Variants in NIBAN1 observed in about 807,000 individuals in gnomAD.
The protein encoded by NIBAN1 is protein Niban 1.
A neutral mutation model predicts 75.1 loss-of-function variants in NIBAN1; 81 were observed. That is an observed-to-expected ratio of 1.08 (90% CI 0.90 to 1.30). NIBAN1 has a LOEUF of 1.30. Ranked by LOEUF, NIBAN1 falls within the 50% of genes most tolerant of loss-of-function variation. The pLI is 0.00. For synonymous variants in NIBAN1, 436 were observed against 424.8 expected (o/e 1.03, Z -0.32); for missense variants, 1,133 against 1,128.1 (o/e 1.00, Z -0.06).
rs1659024709 is a variant in NIBAN1, at chr1:184,974,469, T to TCGAGAGGCGAGAGACAGGAGG, written c.-134_-114dup. On this transcript the variant is annotated 5_prime_UTR_variant, in exon 1 of 14. Coordinates refer to ENST00000367511, the MANE Select transcript of NIBAN1 (RefSeq NM_052966.4). The stretch of plus-strand genomic sequence containing the variant: ...CTCTGAAATTAAGAGCAAACTTCCT[T>TCGAGAGGCGAGAGACAGGAGG]CGAGAGGCGAGAGACAGGAGGCAAG... 1 of 1,378,678 alleles carries TCGAGAGGCGAGAGACAGGAGG rather than the reference T, an allele frequency of 7.3e-7. No homozygotes were observed. Among genetic ancestry groups the TCGAGAGGCGAGAGACAGGAGG allele is most frequent in the African/African-American group, 1.5e-5 (1 of 66,862 alleles). The allele number at this position is 1,378,678 out of a possible 1,614,324, so 85.4% of individuals were successfully genotyped here.
intron 1 of NIBAN1, among the ~76,000 whole-genome samples, chr1:184,899,883 C>T (rs1656903518): frequency 7.2e-6 from 1 of 139,636 alleles, no homozygotes; most frequent in Non-Finnish European, 1.5e-5. Flanking sequence ...ATGGCACAAT[C>T]TTGGCTCACC....
Position 184,791,077 on chromosome 1 carries a change from A to G in NIBAN1, c.*3900T>C, listed in dbSNP as rs1462738649. 1 of 471,154 alleles carries G rather than the reference A, an allele frequency of 2.1e-6. No homozygotes were observed. The allele number at this position is 471,154 out of a possible 1,614,324, so 29.2% of individuals were successfully genotyped here. On this transcript the variant is annotated 3_prime_UTR_variant, in exon 14 of 14. Coordinates refer to ENST00000367511, the MANE Select transcript of NIBAN1 (RefSeq NM_052966.4). ...TGGAATATAGGCACCTGGCAGAGTA[A>G]ATACATGGTTACAAAGTGTTTTAAG... is the stretch of plus-strand genomic sequence containing the variant.
rs114523683 is a variant in NIBAN1 at position 184,898,304 on chromosome 1, C to T, written c.186+875G>A. ...AATGTTATCTCCACAGAGGGCTTCCCTAACCATCTTCTCTAAAATAAGGCT... is the reference window on the plus strand; with the variant it reads ...AATGTTATCTCCACAGAGGGCTTCCTTAACCATCTTCTCTAAAATAAGGCT... On this transcript the variant is annotated intron_variant, in intron 2 of 13. Transcript: ENST00000367511. 3.8e-3 allele frequency among the ~76,000 whole-genome samples: 582 copies of T among 152,270 alleles called. 3 individuals carry two copies. Among genetic ancestry groups the T allele is most frequent in the African/African-American group, 0.013 (549 of 41,556 alleles).
rs56272970 is a variant in NIBAN1 at position 184,797,137 on chromosome 1, CTTTT to C, written c.1666+938_1666+941del. Among the ~76,000 whole-genome samples the C allele has an allele frequency of 7.1e-3, 931 of 130,512 alleles. 14 individuals are homozygous for C. The highest frequency in any genetic ancestry group is 0.021 in the African/African-American group (744 of 35,412). The allele number at this position is 130,512 out of a possible 152,430, so 85.6% of individuals were successfully genotyped here. A position where few individuals can be genotyped will look rare whatever the true frequency, so the allele number is the denominator to read the frequency against. On this transcript the variant is annotated intron_variant, in intron 13 of 13. Transcript: ENST00000367511. ...ACAGTTTGATGGTGGCCTTCTCCAGCTTTTTTTTTTTTTTTTTTTTGAGACCGAG... is the reference window on the plus strand; with the variant it reads ...ACAGTTTGATGGTGGCCTTCTCCAGCTTTTTTTTTTTTTTTTGAGACCGAG...
chr1:184,953,425 A>G (rs1463305710), intron 1 of NIBAN1, among the ~76,000 whole-genome samples: 1 of 152,224 alleles, frequency 6.6e-6, no homozygotes, highest in African/African-American at 2.4e-5. Flanking sequence ...TAAAAATGAG[A>G]CATATTATAA....
intron 1 of NIBAN1, among the ~76,000 whole-genome samples, chr1:184,955,296 C>CTT (rs1235492792): frequency 5.1e-4 from 75 of 148,236 alleles, no homozygotes; most frequent in Non-Finnish European, 7.7e-4. Context: ...AGGCTTCAAT[C>CTT]TTTTCTTTTC....
At chr1:184,880,534 G>C (rs963252297) in intron 5 of NIBAN1, among the ~76,000 whole-genome samples, 1 of 152,100 alleles carries the variant, frequency 6.6e-6, no homozygotes, top group Non-Finnish European at 1.5e-5. Context: ...AATTCTTCCT[G>C]TTCCTTTAAT....
At chr1:184,855,347 A>C (rs1211648590) in intron 5 of NIBAN1, among the ~76,000 whole-genome samples, 1 of 152,240 alleles carries the variant, frequency 6.6e-6, no homozygotes, top group African/African-American at 2.4e-5. Context: ...ATTGAATAAA[A>C]TAACATTGAA....
chr1:184,925,174 CT>C, intron 1 of NIBAN1, among the ~76,000 whole-genome samples: 1 of 152,044 alleles, frequency 6.6e-6, no homozygotes, highest in Admixed American at 6.5e-5. Flanking sequence ...CCTTTTGTCT[CT>C]TTTTATAGTT....
chr1:184,928,110 C>T (rs1416805837), intron 1 of NIBAN1, among the ~76,000 whole-genome samples: 1 of 152,136 alleles, frequency 6.6e-6, no homozygotes, highest in African/African-American at 2.4e-5. Context: ...GTAGCAAGTT[C>T]CCTTCTGGCA....
intron 1 of NIBAN1, 92 bp from the exon 2 acceptor site, chr1:184,899,401 T>C: frequency 1.5e-6 from 2 of 1,325,318 alleles, no homozygotes; most frequent in Non-Finnish European, 2.1e-6. Flanking sequence ...AGTCTCTCTG[T>C]TTCTATCCCT....
chr1:184,795,272 T>C lies in NIBAN1; in HGVS notation c.2492A>G (p.Lys831Arg). The change falls in exon 14 of 14, where the codon AAG becomes AGG. Residue 831 changes from lysine to arginine, a missense_variant. By Grantham distance (26) the Lys-to-Arg change is conservative. Transcript: ENST00000367511. The part of the protein sequence containing the change: ...TLTAHEGRGG[K>R]CTEEGDASQQ... Reference sequence around the variant, plus strand: ...TGAGGCATCCCCTTCCTCGGTACACTTGCCCCCTCTTCCTTCATGGGCAGT... The same window carrying C: ...TGAGGCATCCCCTTCCTCGGTACACCTGCCCCCTCTTCCTTCATGGGCAGT... 1 of 1,613,004 alleles carries C rather than the reference T, an allele frequency of 6.2e-7. No individual in the cohort carries two copies. The highest frequency in any genetic ancestry group is 1.1e-5 in the South Asian group (1 of 91,092).
At chr1:184,853,033 T>C (rs768093172) in intron 5 of NIBAN1, among the ~76,000 whole-genome samples, 39 of 152,186 alleles carry the variant, frequency 2.6e-4, no homozygotes, top group Non-Finnish European at 4.4e-5. Context: ...AGTGAAAATA[T>C]TCAAATAAAA....
At chr1:184,965,892 G>A (rs972308188) in intron 1 of NIBAN1, among the ~76,000 whole-genome samples, 3 of 152,214 alleles carry the variant, frequency 2.0e-5, no homozygotes, top group Non-Finnish European at 2.9e-5. Context: ...GGAGAAATGT[G>A]TGGAACTGCA....
intron 5 of NIBAN1, among the ~76,000 whole-genome samples, chr1:184,871,444 A>G (rs182190139): frequency 2.6e-5 from 4 of 151,702 alleles, no homozygotes; most frequent in African/African-American, 9.7e-5. Flanking sequence ...GATCAGAGTG[A>G]TGCTTATATA....
At chr1:184,964,519 C>T (rs1658728958) in intron 1 of NIBAN1, among the ~76,000 whole-genome samples, 1 of 152,194 alleles carries the variant, frequency 6.6e-6, no homozygotes, top group South Asian at 2.1e-4. Flanking sequence ...TGACTTTGGC[C>T]AGGTTCTCTA....
chr1:184,941,954 C>G (rs144410386), intron 1 of NIBAN1, among the ~76,000 whole-genome samples: 172 of 152,272 alleles, frequency 1.1e-3, no homozygotes, highest in African/African-American at 3.9e-3. Context: ...TTTTCGGCCA[C>G]TCATTCTGCG....
intron 2 of NIBAN1, among the ~76,000 whole-genome samples, chr1:184,897,337 T>C (rs534099141): frequency 6.6e-6 from 1 of 151,310 alleles, no homozygotes; most frequent in Non-Finnish European, 1.5e-5. Context: ...GGGTGGCTAT[T>C]ATAAATGGGA....
At chr1:184,923,182 A>G (rs1657604088) in intron 1 of NIBAN1, among the ~76,000 whole-genome samples, 1 of 152,130 alleles carries the variant, frequency 6.6e-6, no homozygotes, top group Admixed American at 6.5e-5. Context: ...TTATTTTAGT[A>G]GTTTCATACT....
Sources: gnomAD v4.1 joint callset for allele counts (sites outside exome capture counted in the v4.1 genomes callset) on GRCh38, gnomAD v4.1.1 for gene constraint, MANE v1.5 for transcripts, NCBI Gene and HGNC (gene_info 2026-07-23, HGNC 2026-07-21) for gene names.